PCDHGB6: variants seen among roughly 807,000 people sequenced by gnomAD.
The protein encoded by PCDHGB6 is protocadherin gamma subfamily B, 6, also known as protocadherin gamma-B6.
In PCDHGB6, 51 loss-of-function variants were observed where a neutral mutation model predicts 59.1. The ratio of observed to expected loss-of-function variants is 0.86; its 90% confidence interval spans 0.69 to 1.09. The LOEUF is 1.09. Among genes scored for constraint, PCDHGB6 ranks in the 50% least tolerant of loss-of-function variants. The pLI, the probability that PCDHGB6 is intolerant of heterozygous loss-of-function variation, is 0.00. For missense variants in PCDHGB6, 1,148 were observed against 1,205.1 expected, an observed-to-expected ratio of 0.95 and a Z score of 0.70; for synonymous variants, 466 against 495.1, an observed-to-expected ratio of 0.94 and a Z score of 0.78.
At chr5:141,425,363 A>C (rs2096870488) in intron 1 of PCDHGB6, among the ~76,000 whole-genome samples, 1 of 152,212 alleles carries the variant, frequency 6.6e-6, no homozygotes, top group Non-Finnish European at 1.5e-5. Context: ...TGATATTAAG[A>C]GGGTTATGTT....
At chr5:141,419,918 G>C (rs370039875) in intron 1 of PCDHGB6, 30 of 1,613,978 alleles carry the variant, frequency 1.9e-5, no homozygotes, top group Non-Finnish European at 2.5e-5. Flanking sequence ...CTCCCAGGCT[G>C]AGATGCAGTT....
At position 141,485,049 on chromosome 5, in the gene PCDHGB6, G is replaced by A; in HGVS notation, c.2419-9758G>A. The A allele has an allele frequency of 1.3e-6, 1 of 780,438 alleles. No individual in the cohort carries two copies. 48.3% of individuals were successfully genotyped at this position (780,438 alleles called of 1,614,324 possible). ...AACGGCGCGTAACCCTTGCGGCGCC[G>A]GCCGAACCGCGCCAGAGCTGGCGCG... On this transcript the variant is annotated intron_variant, in intron 1 of 3. Coordinates refer to ENST00000520790, the MANE Select transcript of PCDHGB6 (RefSeq NM_018926.3). This position sits in a 1 kb window ranked among gnomAD's most constrained non-coding sequence, Gnocchi z 5.7.
At chr5:141,478,231 T>C (rs1423148) in intron 1 of PCDHGB6, 739,438 of 1,613,786 alleles carry the variant, frequency 0.46, 177,434 homozygotes, top group African/African-American at 0.83. Flanking sequence ...CTGTGGGGTT[T>C]GTGGTCACAG....
chr5:141,479,003 C>T (rs2099485569), intron 1 of PCDHGB6, among the ~76,000 whole-genome samples: 1 of 152,176 alleles, frequency 6.6e-6, no homozygotes, highest in South Asian at 2.1e-4. Context: ...AAACTAATAG[C>T]TTTTTGATAA....
chr5:141,456,098 C>A (rs1222639126), intron 1 of PCDHGB6, among the ~76,000 whole-genome samples: 1 of 151,980 alleles, frequency 6.6e-6, no homozygotes. Context: ...GGGATTTCAC[C>A]GTGTTAGCCA....
rs115808055 is a variant in PCDHGB6 at position 141,476,782 on chromosome 5, A to G, written c.2419-18025A>G. Reference sequence around the variant, plus strand: ...TGACGGCGTTGGACGGAGGGACCCCAGCTCTCTCCGCCAGCCTGCCTATTC... The same window carrying G: ...TGACGGCGTTGGACGGAGGGACCCCGGCTCTCTCCGCCAGCCTGCCTATTC... On this transcript the variant is annotated intron_variant, in intron 1 of 3. Transcript: ENST00000520790. This position sits in a 1 kb window ranked among gnomAD's most constrained non-coding sequence, Gnocchi z 7.6. 18,517 of 1,613,566 alleles carry G rather than the reference A, an allele frequency of 0.011. 139 individuals are homozygous for G. Among genetic ancestry groups the G allele is most frequent in the Non-Finnish European group, 0.014 (16,976 of 1,179,996 alleles).
Position 141,476,437 on chromosome 5 carries a change from T to C in PCDHGB6, c.2419-18370T>C, listed in dbSNP as rs1260141259. The C allele has an allele frequency of 6.2e-7, 1 of 1,614,004 alleles. No homozygotes were observed. Among genetic ancestry groups the C allele is most frequent in the East Asian group, 2.2e-5 (1 of 44,836 alleles). ...GGACACTGCCCTCTTGCACTGTAAC[T>C]CTGGAGTTGGTAGTGGAGAACCCGC... On this transcript the variant is annotated intron_variant, in intron 1 of 3. Transcript: ENST00000520790. This position sits in a 1 kb window ranked among gnomAD's most constrained non-coding sequence, Gnocchi z 7.6.
At chr5:141,507,858 AC>A (rs2099864314) in intron 3 of PCDHGB6, among the ~76,000 whole-genome samples, 1 of 151,748 alleles carries the variant, frequency 6.6e-6, no homozygotes, top group African/African-American at 2.4e-5. Flanking sequence ...TCACTTTCAC[AC>A]CCGCTTCCTA....
intron 1 of PCDHGB6, among the ~76,000 whole-genome samples, chr5:141,465,905 G>A (rs938438286): frequency 6.6e-6 from 1 of 151,958 alleles, no homozygotes; most frequent in Admixed American, 6.6e-5. Flanking sequence ...GGCAAATCAC[G>A]AGGTCAGGAT....
intron 1 of PCDHGB6, among the ~76,000 whole-genome samples, chr5:141,459,494 G>C (rs1454297107): frequency 2.0e-5 from 3 of 152,200 alleles, no homozygotes; most frequent in African/African-American, 7.2e-5. Context: ...CTGAATTAAA[G>C]TGATGTGAAC....
intron 1 of PCDHGB6, chr5:141,423,558 G>T: frequency 1.2e-6 from 2 of 1,613,580 alleles, no homozygotes; most frequent in Non-Finnish European, 1.7e-6. Context: ...CCAACTATGG[G>T]GACACGCTCA....
At chr5:141,419,747 C>T (rs1322393151) in intron 1 of PCDHGB6, 3 of 1,613,840 alleles carry the variant, frequency 1.9e-6, no homozygotes, top group Admixed American at 1.7e-5. Context: ...GCGCATGGTG[C>T]GTGCTTTGGG....
In PCDHGB6 at chr5:141,431,570, G is replaced by A. The variant is rs754760314; in HGVS notation, c.2418+20950G>A. 7 of 1,614,172 alleles carry A rather than the reference G, an allele frequency of 4.3e-6. No individual in the cohort carries two copies. Among genetic ancestry groups the A allele is most frequent in the Non-Finnish European group, 5.9e-6 (7 of 1,180,024 alleles). ...TGTAGTCAACGCTACCGACCCTGAC[G>A]AAGGAGTCAATGCGGAAGTGAGGTA... On this transcript the variant is annotated intron_variant, in intron 1 of 3. Transcript: ENST00000520790. The surrounding 1 kb of genome is among the most constrained non-coding windows in gnomAD (Gnocchi z 4.8).
intron 1 of PCDHGB6, among the ~76,000 whole-genome samples, chr5:141,467,288 A>G (rs1322298174): frequency 6.6e-6 from 1 of 152,084 alleles, no homozygotes; most frequent in Non-Finnish European, 1.5e-5. Context: ...CTTGACCTCA[A>G]GTGATCCACT....
chr5:141,510,898 T>G (rs1393880610), intron 3 of PCDHGB6, 49 bp from the exon 4 acceptor site: 1 of 1,613,278 alleles, frequency 6.2e-7, no homozygotes, highest in East Asian at 2.2e-5. Context: ...ACAGTGACTG[T>G]TGAGGACCCT....
rs770930842 is a variant in PCDHGB6 at position 141,432,673 on chromosome 5, C to G, written c.2418+22053C>G. 10 of 1,613,804 alleles carry G rather than the reference C, an allele frequency of 6.2e-6. No homozygotes were observed. The East Asian group carries it at 1.3e-4, about 22-fold the overall frequency. ...GAGCCCTGCTGGACAGAGACGCGCT[C>G]AAGCAGAGCCTCGTAGTGGCCGTCC... is the stretch of plus-strand genomic sequence containing the variant. On this transcript the variant is annotated intron_variant, in intron 1 of 3. Transcript: ENST00000520790. The surrounding 1 kb of genome is among the most constrained non-coding windows in gnomAD (Gnocchi z 6.0).
chr5:141,438,754 T>C (rs1213047429), intron 1 of PCDHGB6, among the ~76,000 whole-genome samples: 3 of 148,368 alleles, frequency 2.0e-5, no homozygotes, highest in African/African-American at 5.0e-5. Context: ...CTCTGCCTCC[T>C]GGGTTCAAGC....
intron 1 of PCDHGB6, among the ~76,000 whole-genome samples, chr5:141,453,999 A>C (rs1561953352): frequency 6.6e-6 from 1 of 152,258 alleles, no homozygotes; most frequent in South Asian, 2.1e-4. Flanking sequence ...ATAAACCCAC[A>C]TAACATTTTA....
chr5:141,431,561 G>C lies in PCDHGB6; in HGVS notation c.2418+20941G>C. On this transcript the variant is annotated intron_variant, in intron 1 of 3. Transcript: ENST00000520790. The surrounding 1 kb of genome is among the most constrained non-coding windows in gnomAD (Gnocchi z 4.8). ...GCAGCTGCTTGTAGTCAACGCTACC[G>C]ACCCTGACGAAGGAGTCAATGCGGA... 6.2e-7 allele frequency: 1 copy of C among 1,614,146 alleles called. No homozygotes were observed. The highest frequency in any genetic ancestry group is 1.1e-5 in the South Asian group (1 of 91,080).
Sources: gnomAD v4.1 joint callset for allele counts (sites outside exome capture counted in the v4.1 genomes callset) on GRCh38, gnomAD v4.1.1 for gene constraint, Gnocchi (gnomAD v3.1) non-coding constraint, MANE v1.5 for transcripts, NCBI Gene and HGNC (gene_info 2026-07-23, HGNC 2026-07-21) for gene names.